The following PRMT8 variants were observed in gnomAD, a reference collection of about 807,000 sequenced individuals.
PRMT8 encodes protein arginine methyltransferase 8.
PRMT8 carries 7 observed loss-of-function variants against 47.1 expected under a neutral mutation model. The observed-to-expected ratio is 0.15, with a 90% CI of 0.08 to 0.28. PRMT8 has a LOEUF of 0.28. Ranked by LOEUF, PRMT8 falls within the 10% of genes least tolerant of loss-of-function variation. PRMT8 has a pLI of 1.00. For missense variants in PRMT8, 237 were observed against 505.4 expected (o/e 0.47, Z 5.09); for synonymous variants, 188 against 186.5 (o/e 1.01, Z -0.07).
At chr12:3,592,528 C>G (rs1867330707) in intron 9 of PRMT8, among the ~76,000 whole-genome samples, 176 bp downstream of exon 9, 1 of 152,078 alleles carries the variant, frequency 6.6e-6, no homozygotes, top group Admixed American at 6.5e-5. Flanking sequence ...TCAGGCTTGA[C>G]CCCTCAAAAC....
chr12:3,529,656 A>G (rs1865998932), intron 1 of PRMT8, among the ~76,000 whole-genome samples: 1 of 152,214 alleles, frequency 6.6e-6, no homozygotes, highest in African/African-American at 2.4e-5. Context: ...GTCTAGAAAG[A>G]GTCTATGGAA....
At chr12:3,472,352 CTGTT>C (rs1490232271) in intron 1 of PRMT8, among the ~76,000 whole-genome samples, 84 of 152,136 alleles carry the variant, frequency 5.5e-4, no homozygotes, top group Admixed American at 5.5e-3. Context: ...AAATGCTTAA[CTGTT>C]TGATAAATGA....
rs970052813 is a variant in PRMT8 at position 3,564,489 on chromosome 12, T to A, written c.482-4217T>A. 2.0e-5 allele frequency among the ~76,000 whole-genome samples: 3 copies of A among 152,212 alleles called. No individual in the cohort carries two copies. The highest frequency in any genetic ancestry group is 1.9e-4 in the East Asian group (1 of 5,202). ...AAAAAATTCCACTCAAAACCATTTT[T>A]AAAAATCTGGATGTCTCACTTACAA... On this transcript the variant is annotated intron_variant, in intron 4 of 9. Coordinates refer to ENST00000382622, the MANE Select transcript of PRMT8 (RefSeq NM_019854.5). The surrounding 1 kb of genome is among the most constrained non-coding windows in gnomAD (Gnocchi z 4.0).
In PRMT8 at chr12:3,576,809, G is replaced by A. The variant is rs1423708968; in HGVS notation, c.713-62G>A. On this transcript the variant is annotated intron_variant, in intron 6 of 9. Transcript: ENST00000382622. This position sits in a 1 kb window ranked among gnomAD's most constrained non-coding sequence, Gnocchi z 4.0. ...AGGCACGCTGTGCTCTAGGACTCAG[G>A]AGGGTTGGGTGAGCTTCTGGGGGTC... The A allele has an allele frequency of 2.2e-6, 3 of 1,333,910 alleles. No individual in the cohort carries two copies. The highest frequency in any genetic ancestry group is 2.9e-5 in the African/African-American group (2 of 69,380). 82.6% of individuals were successfully genotyped at this position (1,333,910 alleles called of 1,614,324 possible). A position where few individuals can be genotyped will look rare whatever the true frequency, so the allele number is the denominator to read the frequency against.
At chr12:3,592,413 G>A in intron 9 of PRMT8, 61 bp downstream of exon 9, 1 of 1,543,894 alleles carries the variant, frequency 6.5e-7, no homozygotes, top group Non-Finnish European at 8.7e-7. Context: ...GGCTCGCTCA[G>A]GACCCACTTG....
Position 3,423,925 on chromosome 12 carries a change from T to G in PRMT8, c.48+42483T>G, listed in dbSNP as rs552918792. 5.9e-5 allele frequency among the ~76,000 whole-genome samples: 9 copies of G among 152,256 alleles called. No individual in the cohort carries two copies. In the South Asian group the frequency reaches 1.9e-3, roughly 32 times the overall value. On this transcript the variant is annotated intron_variant, in intron 1 of 9. Coordinates refer to the PRMT8 transcript ENST00000452611. Reference sequence around the variant, plus strand: ...TTTCAGGACCCAGAAATTATTAGGGTGATTTTTTTGAGCCGGGAATTCGTC... The same window carrying G: ...TTTCAGGACCCAGAAATTATTAGGGGGATTTTTTTGAGCCGGGAATTCGTC...
intron 1 of PRMT8, among the ~76,000 whole-genome samples, chr12:3,444,670 G>C (rs1390863765): frequency 2.6e-5 from 4 of 152,198 alleles, no homozygotes; most frequent in African/African-American, 9.6e-5. Flanking sequence ...AAGGAGTTAG[G>C]CTGGCACATT....
intron 1 of PRMT8, chr12:3,381,479 C>A: frequency 6.5e-7 from 1 of 1,532,358 alleles, no homozygotes; most frequent in South Asian, 1.2e-5. Context: ...TTCCTTTCTT[C>A]TTCCTGCAAG....
chr12:3,540,612 A>T lies in PRMT8; in HGVS notation c.82A>T (p.Ser28Cys). The T allele has an allele frequency of 4.4e-6, 5 of 1,131,134 alleles. No individual in the cohort carries two copies. Among genetic ancestry groups the T allele is most frequent in the Non-Finnish European group, 6.7e-6 (5 of 749,220 alleles). The allele number at this position is 1,131,134 out of a possible 1,614,324, so 70.1% of individuals were successfully genotyped here. ...ENAAESTEVN[S>C]PPSQPPQPVV... Reference sequence around the variant, plus strand: ...CCCCTTCTCTTCCCCTCAGGTGAACAGCCCCCCCTCCCAGCCCCCCCAGCC... The same window carrying T: ...CCCCTTCTCTTCCCCTCAGGTGAACTGCCCCCCCTCCCAGCCCCCCCAGCC... Residue 28 changes from serine to cysteine, a missense_variant, in exon 2 of 10, where the codon AGC becomes TGC. Ser to Cys is a moderately radical substitution (Grantham distance 112). Coordinates refer to ENST00000382622, the MANE Select transcript of PRMT8 (RefSeq NM_019854.5).
At chr12:3,431,719 G>A (rs1418483209) in intron 1 of PRMT8, among the ~76,000 whole-genome samples, 3 of 152,210 alleles carry the variant, frequency 2.0e-5, no homozygotes, top group Admixed American at 2.0e-4. Context: ...AGAGACATTG[G>A]CCAGAACTGT....
intron 1 of PRMT8, among the ~76,000 whole-genome samples, chr12:3,475,226 G>A (rs1449644091): frequency 6.6e-6 from 1 of 152,156 alleles, no homozygotes. Flanking sequence ...CTGGAGTGGT[G>A]GCAGTCATGA....
In PRMT8 at chr12:3,550,115, A is replaced by T. The variant is rs372314014; in HGVS notation, c.417+24A>T. The T allele has an allele frequency of 1.2e-6, 2 of 1,611,276 alleles. No homozygotes were observed. The highest frequency in any genetic ancestry group is 1.7e-6 in the Non-Finnish European group (2 of 1,178,456). On this transcript the variant is annotated intron_variant, in intron 3 of 9. Transcript: ENST00000382622. The surrounding 1 kb of genome is among the most constrained non-coding windows in gnomAD (Gnocchi z 5.1). ...GGGTGAGCACGCCGCTTCCTCCTGC[A>T]TGCTGGCTTCCACAGAGCCAGCCTC... is the stretch of plus-strand genomic sequence containing the variant.
chr12:3,395,303 T>G (rs1864238175), intron 1 of PRMT8, among the ~76,000 whole-genome samples: 1 of 150,438 alleles, frequency 6.6e-6, no homozygotes. Context: ...ATTGTGATGT[T>G]AGGGTGTCAA....
At chr12:3,430,623 G>T (rs933888873) in intron 1 of PRMT8, among the ~76,000 whole-genome samples, 1 of 152,198 alleles carries the variant, frequency 6.6e-6, no homozygotes, top group African/African-American at 2.4e-5. Context: ...TTTTAAAATT[G>T]TCAAGTGACG....
chr12:3,416,172 C>T (rs543530536), intron 1 of PRMT8, among the ~76,000 whole-genome samples: 2 of 152,298 alleles, frequency 1.3e-5, no homozygotes, highest in East Asian at 3.9e-4. Context: ...TCCTGTAACC[C>T]CCTACAACTC....
At chr12:3,533,705 TAG>T (rs1866071719) in intron 1 of PRMT8, among the ~76,000 whole-genome samples, 2 of 151,812 alleles carry the variant, frequency 1.3e-5, no homozygotes, top group African/African-American at 4.8e-5. Flanking sequence ...TGCAGGAGAG[TAG>T]AGAGAGGGTG....
chr12:3,541,423 A>G (rs552834274), intron 2 of PRMT8, among the ~76,000 whole-genome samples: 6 of 152,286 alleles, frequency 3.9e-5, no homozygotes, highest in African/African-American at 1.2e-4. Flanking sequence ...CCTACTGTAT[A>G]TCTTTCATTA....
In PRMT8 at chr12:3,491,643, C is replaced by T. The variant is rs764399711; in HGVS notation, c.18C>T (p.Ser6=). The T allele has an allele frequency of 1.2e-6, 2 of 1,613,030 alleles. No homozygotes were observed. The highest frequency in any genetic ancestry group is 1.7e-6 in the Non-Finnish European group (2 of 1,179,854). Residue 6 remains serine (S), a synonymous_variant, in exon 1 of 10, where the codon TCC becomes TCT. Transcript: ENST00000382622. MGMKH[S]SRCLLLRRKM... ...CGGCTCTTATGGGCATGAAACACTC[C>T]TCCCGCTGCCTGCTCCTGAGGAGGA...
At chr12:3,494,102 G>A (rs958856375) in intron 1 of PRMT8, among the ~76,000 whole-genome samples, 3 of 152,194 alleles carry the variant, frequency 2.0e-5, no homozygotes, top group Non-Finnish European at 2.9e-5. Context: ...AGCGGCAGGA[G>A]CACGCCTCCA....
Sources: gnomAD v4.1 joint callset for allele counts (sites outside exome capture counted in the v4.1 genomes callset) on GRCh38, gnomAD v4.1.1 for gene constraint, Gnocchi (gnomAD v3.1) non-coding constraint, MANE v1.5 for transcripts, NCBI Gene and HGNC (gene_info 2026-07-23, HGNC 2026-07-21) for gene names.